The following CLSTN2 variants were observed in gnomAD, a reference collection of about 807,000 sequenced individuals.
CLSTN2 encodes calsyntenin 2, also known as calsyntenin-2.
A neutral mutation model predicts 101.2 loss-of-function variants in CLSTN2; 48 were observed. The ratio of observed to expected loss-of-function variants is 0.47; its 90% confidence interval spans 0.38 to 0.60. The LOEUF is 0.60. CLSTN2 is among the 20% of genes least tolerant of loss of function. CLSTN2 has a pLI of 0.00. For synonymous variants in CLSTN2, 481 were observed against 463.6 expected (o/e 1.04, Z -0.48); for missense variants, 1,160 against 1,238.2 (o/e 0.94, Z 0.95).
chr3:140,532,463 TCA>T lies in CLSTN2; in HGVS notation c.1487_1488del (p.Thr496SerfsTer52). The T allele has an allele frequency of 6.2e-7, 1 of 1,613,558 alleles. No individual in the cohort carries two copies. The highest frequency in any genetic ancestry group is 1.1e-5 in the South Asian group (1 of 90,932). ...CATCCATCTCACATAGCCATGCAACTCACAGTCGGCGCTTGTTGGCAAGGTAA... is the reference window on the plus strand; with the variant it reads ...CATCCATCTCACATAGCCATGCAACTCAGTCGGCGCTTGTTGGCAAGGTAA... On this transcript the variant is annotated frameshift_variant, in exon 9 of 17. Transcript: ENST00000458420. LOFTEE classifies it high-confidence loss of function.
In CLSTN2 at chr3:140,566,329, C is replaced by T. The variant is rs1936027243; in HGVS notation, c.*76C>T. 13 of 1,385,652 alleles carry T rather than the reference C, an allele frequency of 9.4e-6. No individual in the cohort carries two copies. Among genetic ancestry groups the T allele is most frequent in the Non-Finnish European group, 1.2e-5 (12 of 1,000,826 alleles). The allele number at this position is 1,385,652 out of a possible 1,614,324, so 85.8% of individuals were successfully genotyped here. A position where few individuals can be genotyped will look rare whatever the true frequency, so the allele number is the denominator to read the frequency against. ...CCAGTGTATGCCCATGTCTATCATACCTCACCTCTGATGTCTGTGACATGT... is the reference window on the plus strand; with the variant it reads ...CCAGTGTATGCCCATGTCTATCATATCTCACCTCTGATGTCTGTGACATGT... On this transcript the variant is annotated 3_prime_UTR_variant, in exon 17 of 17. Coordinates refer to ENST00000458420, the MANE Select transcript of CLSTN2 (RefSeq NM_022131.3).
At chr3:140,227,443 A>G (rs2086332944) in intron 2 of CLSTN2, among the ~76,000 whole-genome samples, 1 of 152,208 alleles carries the variant, frequency 6.6e-6, no homozygotes, top group Non-Finnish European at 1.5e-5. Context: ...CACAGGGTAC[A>G]GCTTCCCTCC....
At chr3:140,040,223 T>A (rs2007734525) in intron 1 of CLSTN2, among the ~76,000 whole-genome samples, 1 of 152,172 alleles carries the variant, frequency 6.6e-6, no homozygotes, top group South Asian at 2.1e-4. Flanking sequence ...CCCCTACATA[T>A]GGCTGAGGCA....
chr3:140,135,111 CACACACATAT>C (rs2009591295), intron 1 of CLSTN2, among the ~76,000 whole-genome samples: 10 of 52,106 alleles, frequency 1.9e-4, no homozygotes, highest in African/African-American at 7.4e-4. Flanking sequence ...CACACACACA[CACACACATAT>C]ATATATATAT....
At chr3:140,201,110 C>T (rs1279385050) in intron 2 of CLSTN2, among the ~76,000 whole-genome samples, 1 of 152,096 alleles carries the variant, frequency 6.6e-6, no homozygotes, top group African/African-American at 2.4e-5. Flanking sequence ...TGACAGAGGC[C>T]CTGCCTTCAA....
At position 140,252,342 on chromosome 3, in the gene CLSTN2, T is replaced by C. The variant is rs561474391; in HGVS notation, c.232+76269T>C. ...AGCAGCCCTCCCTCGCTGAGGGTCCTGAACTAGCACTCAGAGATGCTTGGT... is the reference window on the plus strand; with the variant it reads ...AGCAGCCCTCCCTCGCTGAGGGTCCCGAACTAGCACTCAGAGATGCTTGGT... On this transcript the variant is annotated intron_variant, in intron 2 of 16. Transcript: ENST00000458420. 4.1e-4 allele frequency among the ~76,000 whole-genome samples: 63 copies of C among 152,284 alleles called. 1 individual carries two copies. Among genetic ancestry groups the C allele is most frequent in the African/African-American group, 1.4e-3 (60 of 41,566 alleles).
chr3:140,373,436 C>A (rs1468485618), intron 2 of CLSTN2, among the ~76,000 whole-genome samples: 1 of 152,192 alleles, frequency 6.6e-6, no homozygotes, highest in Non-Finnish European at 1.5e-5. Context: ...GATCAGATTT[C>A]TGCCTTGCTG....
intron 8 of CLSTN2, among the ~76,000 whole-genome samples, chr3:140,488,130 C>T (rs1934275579): frequency 6.6e-6 from 1 of 152,176 alleles, no homozygotes; most frequent in South Asian, 2.1e-4. Context: ...GAAAAAAAAG[C>T]ATTCCTTAGG....
chr3:140,360,319 A>G (rs564544714), intron 2 of CLSTN2, among the ~76,000 whole-genome samples: 1 of 152,328 alleles, frequency 6.6e-6, no homozygotes, highest in East Asian at 1.9e-4. Flanking sequence ...TTAGGTGAGC[A>G]TGGAGTAATA....
intron 2 of CLSTN2, among the ~76,000 whole-genome samples, chr3:140,283,219 A>G (rs989343540): frequency 1.3e-5 from 2 of 152,214 alleles, no homozygotes; most frequent in African/African-American, 4.8e-5. Flanking sequence ...TAAATAAAGC[A>G]TCACTAGTTC....
chr3:140,252,093 C>A (rs1024442338), intron 2 of CLSTN2, among the ~76,000 whole-genome samples: 3 of 152,060 alleles, frequency 2.0e-5, no homozygotes, highest in Non-Finnish European at 4.4e-5. Context: ...GAGGCATGAA[C>A]TTTATTTATA....
At chr3:140,451,679 A>G (rs1371886698) in intron 6 of CLSTN2, among the ~76,000 whole-genome samples, 1 of 152,178 alleles carries the variant, frequency 6.6e-6, no homozygotes, top group African/African-American at 2.4e-5. Context: ...TCCAACTATA[A>G]GGGAAATGTA....
At chr3:140,414,387 A>G (rs967086199) in intron 4 of CLSTN2, among the ~76,000 whole-genome samples, 53 of 152,276 alleles carry the variant, frequency 3.5e-4, no homozygotes, top group African/African-American at 1.3e-3. Flanking sequence ...AAGAAAACGT[A>G]GAAGACACAA....
chr3:140,091,757 T>C lies in CLSTN2; in HGVS notation c.110-84194T>C, dbSNP rs1314514834. Among the ~76,000 whole-genome samples, 4 of 152,208 alleles carry C rather than the reference T, an allele frequency of 2.6e-5. No homozygotes were observed. In the East Asian group the frequency reaches 5.8e-4, roughly 22 times the overall value. On this transcript the variant is annotated intron_variant, in intron 1 of 16. Coordinates refer to ENST00000458420, the MANE Select transcript of CLSTN2 (RefSeq NM_022131.3). ...AGGAACAATATCCCATTAGGGATTT[T>C]GTTGATGATGTACTTAAAAGTTATA...
At chr3:140,169,327 T>G (rs2010178527) in intron 1 of CLSTN2, among the ~76,000 whole-genome samples, 1 of 152,170 alleles carries the variant, frequency 6.6e-6, no homozygotes, top group African/African-American at 2.4e-5. Context: ...TTTTTAATAT[T>G]GACTTTCTAT....
chr3:140,227,160 A>T (rs112048077), intron 2 of CLSTN2, among the ~76,000 whole-genome samples: 6,273 of 152,214 alleles, frequency 0.041, 406 homozygotes, highest in African/African-American at 0.14. Context: ...GCAAGGCAAG[A>T]CCCTTCCACC....
At chr3:140,472,299 G>A (rs934379461) in intron 8 of CLSTN2, among the ~76,000 whole-genome samples, 2 of 152,170 alleles carry the variant, frequency 1.3e-5, no homozygotes, top group Non-Finnish European at 2.9e-5. Context: ...TACTTGCATA[G>A]AATTCTAAAG....
intron 6 of CLSTN2, among the ~76,000 whole-genome samples, chr3:140,450,391 A>G (rs1933216256): frequency 6.6e-6 from 1 of 152,240 alleles, no homozygotes; most frequent in Non-Finnish European, 1.5e-5. Flanking sequence ...AGAGCATCTC[A>G]TAAGGCGAGA....
intron 8 of CLSTN2, among the ~76,000 whole-genome samples, chr3:140,467,125 A>G (rs1331456960): frequency 6.6e-6 from 1 of 152,128 alleles, no homozygotes; most frequent in African/African-American, 2.4e-5. Context: ...TGGGTGACAC[A>G]AGGTTGAGGA....
Sources: gnomAD v4.1 joint callset for allele counts (sites outside exome capture counted in the v4.1 genomes callset) on GRCh38, gnomAD v4.1.1 for gene constraint, MANE v1.5 for transcripts, NCBI Gene and HGNC (gene_info 2026-07-23, HGNC 2026-07-21) for gene names.